LAMA3: variants seen among roughly 807,000 people sequenced by gnomAD.
LAMA3 encodes the protein laminin subunit alpha 3.
A neutral mutation model predicts 402.0 loss-of-function variants in LAMA3; 281 were observed. That is an observed-to-expected ratio of 0.70 (90% CI 0.63 to 0.77). LAMA3 has a LOEUF of 0.77. Among genes scored for constraint, LAMA3 ranks in the 30% least tolerant of loss-of-function variants. The pLI, the probability that LAMA3 is intolerant of heterozygous loss-of-function variation, is 0.00. For missense variants in LAMA3, 3,840 were observed against 4,215.5 expected, an observed-to-expected ratio of 0.91 and a Z score of 2.47; for synonymous variants, 1,431 against 1,558.4, an observed-to-expected ratio of 0.92 and a Z score of 1.93.
chr18:23,740,808 T>C (rs879637142), intron 2 of LAMA3, among the ~76,000 whole-genome samples: 1 of 152,170 alleles, frequency 6.6e-6, no homozygotes, highest in Non-Finnish European at 1.5e-5. Context: ...AATGAGATGC[T>C]AGTGTGGGAG....
chr18:23,827,253 A>T (rs1182618290), intron 22 of LAMA3, 61 bp from the exon 23 acceptor site: 1 of 1,546,450 alleles, frequency 6.5e-7, no homozygotes, highest in African/African-American at 1.4e-5. Context: ...ATGTACTTTG[A>T]TATTCCGTTT....
intron 50 of LAMA3, 89 bp from the exon 51 acceptor site, chr18:23,904,464 A>T (rs2081176225): frequency 7.4e-7 from 1 of 1,347,536 alleles, no homozygotes; most frequent in Non-Finnish European, 1.0e-6. Flanking sequence ...GAAAGAAAAA[A>T]TAAAAAGAAG....
chr18:23,813,670 T>C (rs954377319), intron 14 of LAMA3, among the ~76,000 whole-genome samples: 1 of 149,858 alleles, frequency 6.7e-6, no homozygotes, highest in Non-Finnish European at 1.5e-5. Context: ...AGCCTCCGAG[T>C]AACTGGGATT....
intron 32 of LAMA3, among the ~76,000 whole-genome samples, chr18:23,848,517 C>A (rs1331798297): frequency 6.6e-6 from 1 of 152,146 alleles, no homozygotes; most frequent in Non-Finnish European, 1.5e-5. Context: ...GAAACTGAGT[C>A]AGAGGCCAGG....
chr18:23,706,353 G>A (rs527846608), intron 1 of LAMA3, among the ~76,000 whole-genome samples: 1 of 152,268 alleles, frequency 6.6e-6, no homozygotes, highest in East Asian at 1.9e-4. Context: ...AGAGTAGAAT[G>A]CCGTATCATA....
chr18:23,951,623 A>G, intron 72 of LAMA3, 61 bp from the exon 73 acceptor site: 1 of 1,331,844 alleles, frequency 7.5e-7, no homozygotes, highest in Non-Finnish European at 1.1e-6. Context: ...GGAAGATGGC[A>G]GGGGAAGGTC....
intron 12 of LAMA3, among the ~76,000 whole-genome samples, chr18:23,809,155 G>A (rs1346368403): frequency 2.6e-5 from 4 of 152,232 alleles, no homozygotes; most frequent in Non-Finnish European, 2.9e-5. Context: ...GCTGTGCGAA[G>A]CATCGTGCTC....
chr18:23,825,027 T>C (rs2063354223), intron 21 of LAMA3, among the ~76,000 whole-genome samples: 1 of 152,154 alleles, frequency 6.6e-6, no homozygotes, highest in Admixed American at 6.5e-5. Context: ...AAGAATAACC[T>C]AGAAGACAAG....
chr18:23,809,618 A>G (rs1311425630), intron 12 of LAMA3, among the ~76,000 whole-genome samples: 1 of 152,184 alleles, frequency 6.6e-6, no homozygotes, highest in African/African-American at 2.4e-5. Context: ...TCCAGTGGGA[A>G]GGGGGCCAAG....
At chr18:23,829,295 T>G (rs970428032) in intron 23 of LAMA3, among the ~76,000 whole-genome samples, 4 of 152,248 alleles carry the variant, frequency 2.6e-5, no homozygotes, top group African/African-American at 9.6e-5. Context: ...TCATCTGAAG[T>G]GAACTCATCT....
At chr18:23,907,132 C>G (rs2081276662) in intron 52 of LAMA3, among the ~76,000 whole-genome samples, 1 of 152,200 alleles carries the variant, frequency 6.6e-6, no homozygotes, top group African/African-American at 2.4e-5. Context: ...TTCATTCATT[C>G]ACTCATGTAT....
intron 44 of LAMA3, among the ~76,000 whole-genome samples, chr18:23,897,385 G>GA: frequency 6.6e-6 from 1 of 152,272 alleles, no homozygotes; most frequent in East Asian, 1.9e-4. Flanking sequence ...TGGAGAAGAG[G>GA]AGGGAAAAGC....
At chr18:23,735,013 G>T (rs2061450076) in intron 2 of LAMA3, among the ~76,000 whole-genome samples, 1 of 152,208 alleles carries the variant, frequency 6.6e-6, no homozygotes, top group African/African-American at 2.4e-5. Context: ...TTACCAGTGA[G>T]GCGGTTAATA....
At chr18:23,905,655 A>G in intron 52 of LAMA3, 31 bp downstream of exon 52, 1 of 1,306,062 alleles carries the variant, frequency 7.7e-7, no homozygotes, top group Non-Finnish European at 1.1e-6. Context: ...TGGCAGGGAT[A>G]GTCAGGAGCT....
intron 6 of LAMA3, among the ~76,000 whole-genome samples, chr18:23,755,642 A>T (rs968097002): frequency 6.6e-6 from 1 of 152,216 alleles, no homozygotes; most frequent in African/African-American, 2.4e-5. Flanking sequence ...CTGCATGGAT[A>T]AGCGGAAGGA....
At chr18:23,840,560 A>T (rs1000030198) in intron 27 of LAMA3, among the ~76,000 whole-genome samples, 52 of 150,762 alleles carry the variant, frequency 3.4e-4, no homozygotes, top group African/African-American at 8.8e-4. Flanking sequence ...TTTTTTTTTT[A>T]AATTTCTGTA....
intron 16 of LAMA3, 47 bp from the exon 17 acceptor site, chr18:23,815,421 A>G (rs549865473): frequency 1.3e-6 from 2 of 1,516,660 alleles, no homozygotes; most frequent in African/African-American, 2.7e-5. Flanking sequence ...AGATTAGTGA[A>G]TTCTGTAATT....
chr18:23,859,906 C>G (rs1238241065), intron 34 of LAMA3, among the ~76,000 whole-genome samples: 1 of 152,178 alleles, frequency 6.6e-6, no homozygotes, highest in Non-Finnish European at 1.5e-5. Flanking sequence ...GCTACAAGCC[C>G]CCATCCTGAA....
intron 41 of LAMA3, among the ~76,000 whole-genome samples, chr18:23,889,633 AAGAAG>A (rs1035249965): frequency 2.2e-5 from 3 of 139,402 alleles, no homozygotes; most frequent in African/African-American, 5.2e-5. Flanking sequence ...GAAAAAAGAA[AAGAAG>A]AGAAGAGGAA....
Sources: gnomAD v4.1 joint callset for allele counts (sites outside exome capture counted in the v4.1 genomes callset) on GRCh38, gnomAD v4.1.1 for gene constraint, MANE v1.5 for transcripts, NCBI Gene and HGNC (gene_info 2026-07-23, HGNC 2026-07-21) for gene names.